The following CCDC148 variants were observed in gnomAD, a reference collection of about 807,000 sequenced individuals.
CCDC148 encodes the protein coiled-coil domain-containing protein 148.
CCDC148 carries 89 observed loss-of-function variants against 85.7 expected under a neutral mutation model. That is an observed-to-expected ratio of 1.04 (90% CI 0.87 to 1.24). The LOEUF (loss-of-function observed/expected upper bound fraction) is 1.24, where lower values mean the gene tolerates loss of function less well. Among genes scored for constraint, CCDC148 ranks in the 50% most tolerant of loss-of-function variants. The probability of loss-of-function intolerance (pLI) is 0.00; values close to 1 mark genes in which losing one functional copy is unlikely to be tolerated. For missense variants in CCDC148, 692 were observed against 671.7 expected, an observed-to-expected ratio of 1.03 and a Z score of -0.33; for synonymous variants, 230 against 213.9, an observed-to-expected ratio of 1.08 and a Z score of -0.66.
At chr2:158,201,088 G>A (rs1685930053) in intron 11 of CCDC148, among the ~76,000 whole-genome samples, 2 of 133,724 alleles carry the variant, frequency 1.5e-5, no homozygotes, top group Non-Finnish European at 3.2e-5. Flanking sequence ...ATTGCCACTG[G>A]AGTGTCATTG....
intron 7 of CCDC148, among the ~76,000 whole-genome samples, chr2:158,320,754 G>C (rs1158619398): frequency 6.6e-6 from 1 of 152,024 alleles, no homozygotes; most frequent in Non-Finnish European, 1.5e-5. Context: ...GTGAAGAATA[G>C]AAACCCCTTA....
chr2:158,217,931 T>C (rs1378989304), intron 11 of CCDC148, among the ~76,000 whole-genome samples: 3 of 152,176 alleles, frequency 2.0e-5, no homozygotes, highest in Non-Finnish European at 4.4e-5. Context: ...TTTTAACCAA[T>C]CAACCGAATT....
At chr2:158,303,032 A>C (rs1282015632) in intron 9 of CCDC148, among the ~76,000 whole-genome samples, 1 of 152,116 alleles carries the variant, frequency 6.6e-6, no homozygotes, top group Non-Finnish European at 1.5e-5. Context: ...TTATGACAGA[A>C]ACCAAAATAA....
intron 9 of CCDC148, among the ~76,000 whole-genome samples, chr2:158,260,174 C>G (rs1689160349): frequency 6.6e-6 from 1 of 151,782 alleles, no homozygotes; most frequent in African/African-American, 2.4e-5. Flanking sequence ...AATGCCTCAC[C>G]CAAAGCAGAT....
intron 7 of CCDC148, among the ~76,000 whole-genome samples, chr2:158,332,154 C>T (rs1693167052): frequency 1.3e-5 from 2 of 151,986 alleles, no homozygotes; most frequent in African/African-American, 4.8e-5. Context: ...CTGGTTGTTC[C>T]TTTCCATGTT....
At chr2:158,245,922 A>C (rs1409075211) in intron 10 of CCDC148, among the ~76,000 whole-genome samples, 1 of 152,200 alleles carries the variant, frequency 6.6e-6, no homozygotes, top group East Asian at 1.9e-4. Context: ...TTGAGTCTTA[A>C]AACTATGAAA....
intron 10 of CCDC148, among the ~76,000 whole-genome samples, chr2:158,246,391 C>T (rs1688570862): frequency 6.6e-6 from 1 of 152,170 alleles, no homozygotes; most frequent in African/African-American, 2.4e-5. Flanking sequence ...ACAGCTAGAA[C>T]TTCTGGTCAG....
chr2:158,306,431 A>G (rs1321366117), intron 9 of CCDC148, among the ~76,000 whole-genome samples: 1 of 152,154 alleles, frequency 6.6e-6, no homozygotes, highest in Non-Finnish European at 1.5e-5. Flanking sequence ...ACCAACCCAA[A>G]TGTCCATCAA....
intron 1 of CCDC148, among the ~76,000 whole-genome samples, chr2:158,390,517 C>T (rs1047682067): frequency 4.6e-5 from 7 of 152,080 alleles, no homozygotes; most frequent in African/African-American, 1.7e-4. Context: ...TTTAAATAGC[C>T]AAACTCTTAT....
chr2:158,208,900 C>T (rs1686400212), intron 11 of CCDC148, among the ~76,000 whole-genome samples: 1 of 151,864 alleles, frequency 6.6e-6, no homozygotes, highest in African/African-American at 2.4e-5. Flanking sequence ...TTGTATGATT[C>T]CTCCCAGTTT....
chr2:158,375,649 C>T (rs1350115951), intron 1 of CCDC148, among the ~76,000 whole-genome samples: 2 of 152,146 alleles, frequency 1.3e-5, no homozygotes, highest in East Asian at 3.9e-4. Flanking sequence ...ATTGGCTTTC[C>T]TTTGACACCT....
chr2:158,456,497 C>A lies in CCDC148; in HGVS notation c.-58G>T. 1 of 1,589,198 alleles carries A rather than the reference C, an allele frequency of 6.3e-7. No homozygotes were observed. Among genetic ancestry groups the A allele is most frequent in the Non-Finnish European group, 8.6e-7 (1 of 1,167,548 alleles). On this transcript the variant is annotated 5_prime_UTR_variant, in exon 1 of 14. Coordinates refer to ENST00000283233, the MANE Select transcript of CCDC148 (RefSeq NM_138803.4). ...CCCCAAACGCAGGAAAAGTGAAACG[C>A]CCACTCCTGGGCTCTCGCCGTCAGG...
chr2:158,433,796 T>A (rs1687495682), intron 1 of CCDC148, among the ~76,000 whole-genome samples: 1 of 152,098 alleles, frequency 6.6e-6, no homozygotes, highest in Non-Finnish European at 1.5e-5. Flanking sequence ...TTTCCAAGGG[T>A]CTTAGCAAAT....
chr2:158,308,015 T>C (rs1259928448), intron 9 of CCDC148, among the ~76,000 whole-genome samples: 1 of 152,230 alleles, frequency 6.6e-6, no homozygotes, highest in African/African-American at 2.4e-5. Flanking sequence ...ATTAGACAGT[T>C]ACTTTATCAA....
intron 1 of CCDC148, among the ~76,000 whole-genome samples, chr2:158,399,785 C>A (rs573320928): frequency 1.3e-5 from 2 of 152,098 alleles, no homozygotes; most frequent in African/African-American, 2.4e-5. Flanking sequence ...GGCAATCAGG[C>A]AAGAGAATGA....
chr2:158,358,072 ATAT>A (rs1285089426), intron 2 of CCDC148, among the ~76,000 whole-genome samples: 1 of 152,192 alleles, frequency 6.6e-6, no homozygotes, highest in Non-Finnish European at 1.5e-5. Flanking sequence ...ACCTGAGGAC[ATAT>A]TTGTATAGTG....
At position 158,181,546 on chromosome 2, in the gene CCDC148, A is replaced by T. The variant is rs1391332405; in HGVS notation, c.1371-2550T>A. On this transcript the variant is annotated intron_variant, in intron 11 of 13. Transcript: ENST00000283233. Reference sequence around the variant, plus strand: ...CAATGGGGCAGAGACCATGGGAAAGACAGCTTTCCCAGACTTGGGGCTTTT... The same window carrying T: ...CAATGGGGCAGAGACCATGGGAAAGTCAGCTTTCCCAGACTTGGGGCTTTT... 2.0e-5 allele frequency among the ~76,000 whole-genome samples: 3 copies of T among 152,248 alleles called. No homozygotes were observed. In the East Asian group the frequency reaches 5.8e-4, roughly 29 times the overall value.
At chr2:158,267,993 T>C (rs1689542497) in intron 9 of CCDC148, among the ~76,000 whole-genome samples, 1 of 152,218 alleles carries the variant, frequency 6.6e-6, no homozygotes, top group Non-Finnish European at 1.5e-5. Flanking sequence ...TATACATTCA[T>C]TAGTTGTAGG....
rs564376167 is a variant in CCDC148 at position 158,295,404 on chromosome 2, G to T, written c.1110+14029C>A. 3.2e-3 allele frequency among the ~76,000 whole-genome samples: 488 copies of T among 152,140 alleles called. 3 individuals carry two copies. The highest frequency in any genetic ancestry group is 0.011 in the African/African-American group (468 of 41,520). On this transcript the variant is annotated intron_variant, in intron 9 of 13. Coordinates refer to ENST00000283233, the MANE Select transcript of CCDC148 (RefSeq NM_138803.4). ...CCAGCATCATCCTGGTACCAAAGCC[G>T]GGCAGAGACACAACAAAAAAAGAGA... is the stretch of plus-strand genomic sequence containing the variant.
Sources: allele counts gnomAD v4.1 joint callset (sites outside exome capture counted in the v4.1 genomes callset), GRCh38; gene constraint gnomAD v4.1.1; transcripts MANE v1.5; gene names NCBI Gene and HGNC (gene_info 2026-07-23, HGNC 2026-07-21).